Variants in P2RX1 observed in about 807,000 individuals in gnomAD.
The protein encoded by P2RX1 is P2X purinoceptor 1.
A neutral mutation model predicts 50.3 loss-of-function variants in P2RX1; 42 were observed. That is an observed-to-expected ratio of 0.83 (90% CI 0.65 to 1.08). The LOEUF (loss-of-function observed/expected upper bound fraction) is 1.08, where lower values mean the gene tolerates loss of function less well. Among genes scored for constraint, P2RX1 ranks in the 50% least tolerant of loss-of-function variants. P2RX1 has a pLI of 0.00. For missense variants in P2RX1, 449 were observed against 529.0 expected (o/e 0.85, Z 1.48); for synonymous variants, 199 against 202.6 (o/e 0.98, Z 0.15).
Position 3,899,751 on chromosome 17 carries a change from A to C in P2RX1, c.758T>G (p.Val253Gly). 6.2e-7 allele frequency: 1 copy of C among 1,613,626 alleles called. No individual in the cohort carries two copies. The highest frequency in any genetic ancestry group is 8.5e-7 in the Non-Finnish European group (1 of 1,179,734). Residue 253 changes from valine (V) to glycine (G), a missense_variant, in exon 8 of 12, where the codon GTT becomes GGT. Transcript: ENST00000225538. ...ACAGTGCCAGTCGATGGTGATGCCA[A>C]CCACTCCACCCTGCCAGGGACACAA... ...FSTLAEKGGV[V>G]GITIDWHCDL...
intron 3 of P2RX1, 142 bp downstream of exon 3, chr17:3,904,716 G>A (rs989246656): frequency 2.9e-6 from 2 of 692,290 alleles, no homozygotes; most frequent in Non-Finnish European, 5.2e-6. Context: ...GTTGCTGTGT[G>A]TGAATATGCG....
chr17:3,899,125 G>T, intron 8 of P2RX1, 101 bp from the exon 9 acceptor site: 1 of 830,126 alleles, frequency 1.2e-6, no homozygotes, highest in Non-Finnish European at 2.1e-6. Flanking sequence ...TGGTCTCTGA[G>T]TACAGCCTCA....
In P2RX1 at chr17:3,916,237, T is replaced by A; in HGVS notation, c.-12A>T. ...AACCGCCGTGCCATGGTGGGCCGGC[T>A]GGGGCTCAGAACTGAGCCCCCTGCA... On this transcript the variant is annotated 5_prime_UTR_variant, in exon 1 of 12. Transcript: ENST00000225538. 1.2e-6 allele frequency: 2 copies of A among 1,612,726 alleles called. No individual in the cohort carries two copies. The highest frequency in any genetic ancestry group is 1.7e-6 in the Non-Finnish European group (2 of 1,179,886).
chr17:3,910,411 T>C (rs2056343233), intron 1 of P2RX1, among the ~76,000 whole-genome samples: 2 of 152,198 alleles, frequency 1.3e-5, no homozygotes, highest in African/African-American at 2.4e-5. Flanking sequence ...CCTCACCCTA[T>C]CACCCAGGCT....
At position 3,916,287 on chromosome 17, in the gene P2RX1, G is replaced by A. The variant is rs1004151759; in HGVS notation, c.-62C>T. 45 of 1,572,256 alleles carry A rather than the reference G, an allele frequency of 2.9e-5. No individual in the cohort carries two copies. Among genetic ancestry groups the A allele is most frequent in the African/African-American group, 1.2e-4 (9 of 73,356 alleles). ...ACGGCCTCTGCTCTCAGGGTGAGCC[G>A]GGTGCCACCACCCACGTCGATGGTA... On this transcript the variant is annotated 5_prime_UTR_variant, in exon 1 of 12. Transcript: ENST00000225538.
At chr17:3,901,278 A>G (rs530524479) in intron 7 of P2RX1, among the ~76,000 whole-genome samples, 17 of 152,238 alleles carry the variant, frequency 1.1e-4, no homozygotes, top group East Asian at 3.8e-4. Context: ...CGTGTTAGCC[A>G]GGATGGTCTC....
intron 1 of P2RX1, among the ~76,000 whole-genome samples, chr17:3,905,847 CA>C (rs60059213): frequency 0.023 from 2,378 of 103,156 alleles, 54 homozygotes; most frequent in African/African-American, 0.071. Context: ...AATTCTGTCT[CA>C]AAAAAAAAAA....
chr17:3,911,197 A>G (rs924547348), intron 1 of P2RX1, among the ~76,000 whole-genome samples: 1 of 150,574 alleles, frequency 6.6e-6, no homozygotes, highest in Non-Finnish European at 1.5e-5. Context: ...TGTGTTGGCC[A>G]GGCTGGTCTT....
rs200190306 is a variant in P2RX1 at position 3,903,274 on chromosome 17, G to T, written c.675C>A (p.Pro225=). 3.7e-6 allele frequency: 6 copies of T among 1,614,174 alleles called. No individual in the cohort carries two copies. The Admixed American group carries it at 1.0e-4, about 27-fold the overall frequency. ...AGCCAAGCTGGAAGACTGGGCACAG[G>T]GGGTGCAGGGTCTTGTGAAAGAGGC... ...KTCLFHKTLH[P]LCPVFQLGYV... Residue 225 remains proline (P), a synonymous_variant, in exon 7 of 12, where the codon CCC becomes CCA. Coordinates refer to ENST00000225538, the MANE Select transcript of P2RX1 (RefSeq NM_002558.4). The surrounding 1 kb of genome is among the most constrained non-coding windows in gnomAD (Gnocchi z 4.6).
chr17:3,907,939 C>T (rs1444541324), intron 1 of P2RX1, among the ~76,000 whole-genome samples: 3 of 152,232 alleles, frequency 2.0e-5, no homozygotes, highest in South Asian at 2.1e-4. Context: ...ACCTCCCTCT[C>T]GGCACCTTCA....
rs777202524 is a variant in P2RX1 at position 3,903,953 on chromosome 17, C to T, written c.499G>A (p.Val167Met). 19 of 1,613,856 alleles carry T rather than the reference C, an allele frequency of 1.2e-5. No homozygotes were observed. The Admixed American group carries it at 1.3e-4, about 11-fold the overall frequency. The change falls in exon 5 of 12, where the codon GTG (valine) becomes ATG (methionine). Residue 167 changes from valine to methionine, a missense_variant. Coordinates refer to ENST00000225538, the MANE Select transcript of P2RX1 (RefSeq NM_002558.4). This position sits in a 1 kb window ranked among gnomAD's most constrained non-coding sequence, Gnocchi z 4.6. The part of the protein sequence containing the change: ...KTCEIFGWCP[V>M]EVDDDIPRPA... ...CGCGGGATGTCGTCATCCACCTCCA[C>T]GGGGCACCAGCCAAAGATCTCACAC...
chr17:3,904,979 A>T (rs1265116370), intron 2 of P2RX1, 50 bp from the exon 3 acceptor site: 2 of 1,291,960 alleles, frequency 1.5e-6, no homozygotes, highest in Admixed American at 3.9e-5. Context: ...AGCTGGGAGA[A>T]GAGCCCCAAG....
At chr17:3,904,544 C>T in intron 3 of P2RX1, 145 bp from the exon 4 acceptor site, 6 of 734,360 alleles carry the variant, frequency 8.2e-6, no homozygotes, top group Non-Finnish European at 1.4e-5. Flanking sequence ...AGCCTCCTTC[C>T]CCCATTTCCC....
In P2RX1 at chr17:3,897,603, A is replaced by G; in HGVS notation, c.*211T>C. The G allele has an allele frequency of 1.6e-6, 1 of 611,098 alleles. No individual in the cohort carries two copies. Among genetic ancestry groups the G allele is most frequent in the Non-Finnish European group, 3.0e-6 (1 of 337,920 alleles). The allele number at this position is 611,098 out of a possible 1,614,324, so 37.9% of individuals were successfully genotyped here. ...CACCAGGAGCGGCTGAGGCTAGGGT[A>G]GGGCTCCCTCAGGGTGTGTGGGGTC... On this transcript the variant is annotated 3_prime_UTR_variant, in exon 12 of 12. Coordinates refer to ENST00000225538, the MANE Select transcript of P2RX1 (RefSeq NM_002558.4).
Position 3,904,738 on chromosome 17 carries a change from A to G in P2RX1, c.357+120T>C, listed in dbSNP as rs2074989. On this transcript the variant is annotated intron_variant, in intron 3 of 11. Coordinates refer to ENST00000225538, the MANE Select transcript of P2RX1 (RefSeq NM_002558.4). ...TGTGTGAATATGCGCCCAAATTTCC[A>G]TCACTATGGCCCCTGCAGGAAGCCT... 354,483 of 774,932 alleles carry G rather than the reference A, an allele frequency of 0.46. 83,980 individuals carry two copies. The highest frequency in any genetic ancestry group is 0.67 in the East Asian group (24,913 of 37,148). The allele number at this position is 774,932 out of a possible 1,614,324, so 48.0% of individuals were successfully genotyped here. A position where few individuals can be genotyped will look rare whatever the true frequency, so the allele number is the denominator to read the frequency against.
At chr17:3,904,497 C>T in intron 3 of P2RX1, 98 bp from the exon 4 acceptor site, 1 of 1,018,876 alleles carries the variant, frequency 9.8e-7, no homozygotes, top group Non-Finnish European at 1.5e-6. Context: ...GAGCGTGGGG[C>T]AGAGTCTCAG....
intron 7 of P2RX1, among the ~76,000 whole-genome samples, chr17:3,902,988 C>T (rs764240930): frequency 3.3e-5 from 5 of 151,746 alleles, no homozygotes; most frequent in Non-Finnish European, 4.4e-5. Flanking sequence ...TGCCCACATC[C>T]GTTCATTCTG....
intron 8 of P2RX1, 62 bp downstream of exon 8, chr17:3,899,572 T>C (rs956015019): frequency 1.9e-6 from 3 of 1,602,944 alleles, no homozygotes; most frequent in Non-Finnish European, 2.6e-6. Context: ...TGAAGTGTTC[T>C]GGGAGTAGAA....
chr17:3,901,266 A>C (rs187072291), intron 7 of P2RX1, among the ~76,000 whole-genome samples: 2,244 of 152,282 alleles, frequency 0.015, 42 homozygotes, highest in African/African-American at 0.048. Flanking sequence ...ACGGGGTTTC[A>C]CCGTGTTAGC....
Sources: gnomAD v4.1 joint callset for allele counts (sites outside exome capture counted in the v4.1 genomes callset) on GRCh38, gnomAD v4.1.1 for gene constraint, Gnocchi (gnomAD v3.1) non-coding constraint, MANE v1.5 for transcripts, NCBI Gene and HGNC (gene_info 2026-07-23, HGNC 2026-07-21) for gene names.